The following GRK3 variants were observed in gnomAD, a reference collection of about 807,000 sequenced individuals.
GRK3 encodes the protein adrenergic, beta, receptor kinase 2.
Under a neutral mutation model 95.7 loss-of-function variants are expected in GRK3, and 54 were observed. The ratio of observed to expected loss-of-function variants is 0.56; its 90% confidence interval spans 0.45 to 0.71. The LOEUF (loss-of-function observed/expected upper bound fraction) is 0.71. GRK3 is among the 30% of genes least tolerant of loss of function. The pLI is 0.00. For synonymous variants in GRK3, 281 were observed against 290.8 expected (o/e 0.97, Z 0.34); for missense variants, 649 against 851.2 (o/e 0.76, Z 2.96).
chr22:25,575,032 G>A (rs1240521089), intron 1 of GRK3, among the ~76,000 whole-genome samples: 2 of 152,174 alleles, frequency 1.3e-5, no homozygotes, highest in African/African-American at 4.8e-5. Flanking sequence ...TGACTTTGTT[G>A]TTTCTCTTCA....
intron 10 of GRK3, 81 bp from the exon 11 acceptor site, chr22:25,687,456 G>A: frequency 6.7e-7 from 1 of 1,493,878 alleles, no homozygotes. Flanking sequence ...TTTCTGCTGA[G>A]TCCTGACTAT....
At chr22:25,565,192 G>A in intron 1 of GRK3, 39 bp downstream of exon 1, 3 of 1,138,714 alleles carry the variant, frequency 2.6e-6, no homozygotes, top group Admixed American at 3.2e-5. Context: ...CCAAGCCGCC[G>A]CCCCCTGCGG....
At chr22:25,699,611 C>T (rs1309052638) in intron 13 of GRK3, among the ~76,000 whole-genome samples, 3 of 152,152 alleles carry the variant, frequency 2.0e-5, no homozygotes, top group Non-Finnish European at 2.9e-5. Flanking sequence ...AGCAAATGCC[C>T]CTCCCTCCTC....
chr22:25,600,836 A>G (rs1444398215), intron 1 of GRK3, among the ~76,000 whole-genome samples: 2 of 152,256 alleles, frequency 1.3e-5, no homozygotes, highest in African/African-American at 2.4e-5. Flanking sequence ...ATAATACTGT[A>G]TAAGCACTAA....
At chr22:25,565,483 C>G (rs1051889573) in intron 1 of GRK3, among the ~76,000 whole-genome samples, 13 of 152,150 alleles carry the variant, frequency 8.5e-5, no homozygotes, top group Admixed American at 2.0e-4. Flanking sequence ...CCTGTCCTGC[C>G]CTGTCCCATC....
rs41277329 is a variant in GRK3 at position 25,726,546 on chromosome 22, G to T, written c.*4096G>T. The stretch of plus-strand genomic sequence containing the variant: ...TGGGAGATGATTTGGGCTTCACTGG[G>T]ATCTGTGACAGGTGGGGGCTGGGCT... On this transcript the variant is annotated 3_prime_UTR_variant, in exon 21 of 21. Transcript: ENST00000324198. 8.3e-3 allele frequency: 1,263 copies of T among 152,338 alleles called. 8 individuals carry two copies. Among genetic ancestry groups the T allele is most frequent in the Middle Eastern group, 0.014 (4 of 296 alleles). 9.4% of individuals were successfully genotyped at this position (152,338 alleles called of 1,614,324 possible).
intron 9 of GRK3, among the ~76,000 whole-genome samples, chr22:25,679,806 AC>A (rs1463529874): frequency 6.6e-6 from 1 of 152,128 alleles, no homozygotes; most frequent in Non-Finnish European, 1.5e-5. Context: ...TGTGAATGAA[AC>A]CGTAGATACT....
intron 17 of GRK3, among the ~76,000 whole-genome samples, chr22:25,713,576 G>A (rs1326807910): frequency 6.6e-6 from 1 of 152,098 alleles, no homozygotes; most frequent in East Asian, 1.9e-4. Context: ...ATCTTTCAAG[G>A]AGTAAGCAAA....
intron 9 of GRK3, chr22:25,684,432 A>C (rs2085097898): frequency 6.6e-6 from 1 of 152,240 alleles, no homozygotes; most frequent in South Asian, 2.1e-4. Context: ...GGAACACTGA[A>C]ATCTTTACAA....
At chr22:25,674,310 A>G (rs1417075964) in intron 7 of GRK3, 127 bp from the exon 8 acceptor site, 4 of 694,472 alleles carry the variant, frequency 5.8e-6, no homozygotes, top group Non-Finnish European at 9.4e-6. Flanking sequence ...AGACTCAGTC[A>G]TGAAAAGGGT....
At chr22:25,584,966 T>C (rs2146322198) in intron 1 of GRK3, among the ~76,000 whole-genome samples, 1 of 152,412 alleles carries the variant, frequency 6.6e-6, no homozygotes, top group Non-Finnish European at 1.5e-5. Context: ...AGACTCTCCC[T>C]GGAGAGGCCC....
In GRK3 at chr22:25,614,350, T is replaced by C. The variant is rs568387691; in HGVS notation, c.190+9897T>C. 2.0e-5 allele frequency among the ~76,000 whole-genome samples: 3 copies of C among 152,282 alleles called. No homozygotes were observed. In the South Asian group the frequency reaches 6.2e-4, roughly 32 times the overall value. Reference sequence around the variant, plus strand: ...GGATTTGCCATGTTGCCCAGGCTGATCTTGGACTCCTGGGCTCAAGAGATC... The same window carrying C: ...GGATTTGCCATGTTGCCCAGGCTGACCTTGGACTCCTGGGCTCAAGAGATC... On this transcript the variant is annotated intron_variant, in intron 2 of 20. Transcript: ENST00000324198.
At chr22:25,661,541 A>G (rs1262591563) in intron 3 of GRK3, 35 bp from the exon 4 acceptor site, 12 of 1,410,128 alleles carry the variant, frequency 8.5e-6, no homozygotes, top group South Asian at 4.7e-5. Context: ...TTCCAGGAAG[A>G]TACAACCTAA....
At chr22:25,586,348 T>C in intron 1 of GRK3, among the ~76,000 whole-genome samples, 1 of 152,288 alleles carries the variant, frequency 6.6e-6, no homozygotes, top group Non-Finnish European at 1.5e-5. Context: ...TAATTGTACA[T>C]TTTAAAATAA....
At chr22:25,634,665 A>T (rs1292718863) in intron 2 of GRK3, among the ~76,000 whole-genome samples, 1 of 152,152 alleles carries the variant, frequency 6.6e-6, no homozygotes, top group South Asian at 2.1e-4. Context: ...TTGTTCAAGG[A>T]TTTAAAGTGC....
intron 2 of GRK3, among the ~76,000 whole-genome samples, chr22:25,633,141 T>C (rs2084676032): frequency 6.6e-6 from 1 of 151,992 alleles, no homozygotes; most frequent in African/African-American, 2.4e-5. Context: ...GGCTTCGAAC[T>C]CCTGACCTCA....
intron 9 of GRK3, among the ~76,000 whole-genome samples, chr22:25,680,395 C>T (rs528622819): frequency 2.0e-4 from 30 of 152,238 alleles, no homozygotes; most frequent in African/African-American, 6.7e-4. Context: ...AAATTTCAAA[C>T]GTGGATGTGA....
At chr22:25,579,364 C>G (rs1005102072) in intron 1 of GRK3, among the ~76,000 whole-genome samples, 3 of 151,530 alleles carry the variant, frequency 2.0e-5, no homozygotes, top group African/African-American at 4.9e-5. Flanking sequence ...CAAGGCTGGT[C>G]GAGAATTCTT....
At chr22:25,607,357 T>C (rs2084458351) in intron 2 of GRK3, among the ~76,000 whole-genome samples, 2 of 130,506 alleles carry the variant, frequency 1.5e-5, no homozygotes, top group African/African-American at 5.8e-5. Context: ...CTTAAAAATG[T>C]TTTTTTTTTT....
Sources: allele counts gnomAD v4.1 joint callset (sites outside exome capture counted in the v4.1 genomes callset), GRCh38; gene constraint gnomAD v4.1.1; transcripts MANE v1.5; gene names NCBI Gene and HGNC (gene_info 2026-07-23, HGNC 2026-07-21).